Variants in CASP1 observed in about 807,000 individuals in gnomAD.
CASP1 encodes caspase 1.
Under a neutral mutation model 41.2 loss-of-function variants are expected in CASP1, and 31 were observed. The ratio of observed to expected loss-of-function variants is 0.75; its 90% CI spans 0.57 to 1.02. The LOEUF is 1.02. CASP1 is among the 50% of genes least tolerant of loss of function. The probability of loss-of-function intolerance (pLI) is 0.00; values close to 1 mark genes in which losing one functional copy is unlikely to be tolerated. For missense variants in CASP1, 490 were observed against 495.7 expected (o/e 0.99, Z 0.11); for synonymous variants, 163 against 166.5 (o/e 0.98, Z 0.16).
Position 105,030,324 on chromosome 11 carries a change from A to T in CASP1, c.627+6T>A. ...ACCATTGTTTCTGTTGTATAATAGAACTTACCGAAGCAGTGAGATTTTTTT... is the reference window on the plus strand; with the variant it reads ...ACCATTGTTTCTGTTGTATAATAGATCTTACCGAAGCAGTGAGATTTTTTT... On this transcript the variant is annotated splice_donor_region_variant and intron_variant, in intron 5 of 8. Transcript: ENST00000533400. 1 of 1,609,060 alleles carries T rather than the reference A, an allele frequency of 6.2e-7. No homozygotes were observed. Among genetic ancestry groups the T allele is most frequent in the Non-Finnish European group, 8.5e-7 (1 of 1,176,942 alleles).
intron 3 of CASP1, among the ~76,000 whole-genome samples, chr11:105,031,714 T>C (rs1863710772): frequency 6.6e-6 from 1 of 152,202 alleles, no homozygotes; most frequent in Non-Finnish European, 1.5e-5. Flanking sequence ...AAATACATGT[T>C]TATCTTTTTA....
chr11:105,035,098 A>G lies in CASP1; in HGVS notation c.7+9T>C. 6.2e-7 allele frequency: 1 copy of G among 1,613,278 alleles called. No individual in the cohort carries two copies. The highest frequency in any genetic ancestry group is 8.5e-7 in the Non-Finnish European group (1 of 1,179,908). On this transcript the variant is annotated intron_variant, in intron 1 of 8. Transcript: ENST00000533400. ...CAGGGACCTGTTCTTGGAACAGTAA[A>G]AGACTCACCGGCCATGGCTTTTCTC...
At chr11:105,028,428 A>G (rs1239968293) in intron 7 of CASP1, among the ~76,000 whole-genome samples, 4 of 152,258 alleles carry the variant, frequency 2.6e-5, no homozygotes, top group African/African-American at 9.6e-5. Flanking sequence ...TCAAATATAT[A>G]CATTTTAAAT....
In CASP1 at chr11:105,027,104, G is replaced by A. The variant is rs565152191; in HGVS notation, c.1007-153C>T. ...CGGAATGGGGTAGAGGGGAGTGATT[G>A]GGATTTGGAAATGAAATATCTAAAT... is the stretch of plus-strand genomic sequence containing the variant. On this transcript the variant is annotated intron_variant, in intron 7 of 8. Coordinates refer to ENST00000533400, the MANE Select transcript of CASP1 (RefSeq NM_001257118.3). 1.3e-3 allele frequency: 865 copies of A among 677,334 alleles called. 7 individuals are homozygous for A. The highest frequency in any genetic ancestry group is 0.013 in the South Asian group (797 of 63,644). The allele number at this position is 677,334 out of a possible 1,614,324, so 42.0% of individuals were successfully genotyped here. A position where few individuals can be genotyped will look rare whatever the true frequency, so the allele number is the denominator to read the frequency against.
intron 1 of CASP1, 190 bp from the exon 2 acceptor site, chr11:105,034,664 G>A: frequency 2.1e-6 from 2 of 950,648 alleles, no homozygotes; most frequent in Non-Finnish European, 3.1e-6. Flanking sequence ...TGTGCATGGA[G>A]TGACCTGAAG....
At chr11:105,036,320 G>A (rs541944393), upstream of CASP1, among the ~76,000 whole-genome samples, 13 of 152,228 alleles carry the variant, frequency 8.5e-5, no homozygotes, top group South Asian at 1.0e-3. Context: ...ATTGCTCTAG[G>A]TGCCAGAGGT....
At position 105,031,274 on chromosome 11, in the gene CASP1, T is replaced by C. The variant is rs1863681250; in HGVS notation, c.344A>G (p.Gln115Arg). 2.5e-6 allele frequency: 4 copies of C among 1,587,684 alleles called. No individual in the cohort carries two copies. Among genetic ancestry groups the C allele is most frequent in the Non-Finnish European group, 2.6e-6 (3 of 1,156,824 alleles). ...QGVLSSFPAP[Q>R]AVQDNPAMPT... ...CATAGCTGGGTTGTCCTGCACTGCCTGAGGAGCTGCAAGAGACAAAGAACA... is the reference window on the plus strand; with the variant it reads ...CATAGCTGGGTTGTCCTGCACTGCCCGAGGAGCTGCAAGAGACAAAGAACA... The change falls in exon 4 of 9, where the codon CAG becomes CGG. Residue 115 changes from glutamine (Q) to arginine (R), a missense_variant. By Grantham distance (43) the Gln-to-Arg change is conservative. Coordinates refer to ENST00000533400, the MANE Select transcript of CASP1 (RefSeq NM_001257118.3).
At chr11:105,028,676 C>T (rs1347820026) in intron 7 of CASP1, among the ~76,000 whole-genome samples, 2 of 152,038 alleles carry the variant, frequency 1.3e-5, no homozygotes, top group Non-Finnish European at 2.9e-5. Context: ...TATATTCTGT[C>T]TCACACACTT....
At position 105,034,563 on chromosome 11, in the gene CASP1, C is replaced by A. The variant is rs566992842; in HGVS notation, c.8-89G>T. 2.4e-4 allele frequency: 377 copies of A among 1,574,496 alleles called. No individual in the cohort carries two copies. The African/African-American group carries it at 4.7e-3, about 20-fold the overall frequency. ...ACAGAAAGTGACCTCATTTAGATTT[C>A]ATCAGTGAAATGTCCCCCTCCTCAC... On this transcript the variant is annotated intron_variant, in intron 1 of 8. Coordinates refer to ENST00000533400, the MANE Select transcript of CASP1 (RefSeq NM_001257118.3).
chr11:105,036,544 G>A (rs116308150), upstream of CASP1, among the ~76,000 whole-genome samples: 88 of 152,188 alleles, frequency 5.8e-4, no homozygotes, highest in African/African-American at 2.0e-3. Context: ...GATAATGAAT[G>A]TCTCATGAGA....
At position 105,029,301 on chromosome 11, in the gene CASP1, C is replaced by A. The variant is rs374804225; in HGVS notation, c.863-34G>T. 5.0e-6 allele frequency: 8 copies of A among 1,588,276 alleles called. No individual in the cohort carries two copies. In the African/African-American group the frequency reaches 1.1e-4, roughly 22 times the overall value. On this transcript the variant is annotated intron_variant, in intron 6 of 8. Transcript: ENST00000533400. The stretch of plus-strand genomic sequence containing the variant: ...ACACAGTTTGATTTGTTACTACTAC[C>A]AATGGCTGAGAAGATGTTTTCCTCC...
Position 105,026,027 on chromosome 11 carries a change from A to C in CASP1, c.*231T>G. 1 of 399,324 alleles carries C rather than the reference A, an allele frequency of 2.5e-6. No individual in the cohort carries two copies. Among genetic ancestry groups the C allele is most frequent in the Non-Finnish European group, 4.5e-6 (1 of 222,604 alleles). 24.7% of individuals were successfully genotyped at this position (399,324 alleles called of 1,614,324 possible). A position where few individuals can be genotyped will look rare whatever the true frequency, so the allele number is the denominator to read the frequency against. On this transcript the variant is annotated 3_prime_UTR_variant, in exon 9 of 9. Transcript: ENST00000533400. ...CTGGTTTAGCATCCCTAATCCAAAA[A>C]CCTATAATTTGAAATGTTTCAATAA...
At chr11:105,029,961 G>T in intron 5 of CASP1, 62 bp from the exon 6 acceptor site, 2 of 1,227,356 alleles carry the variant, frequency 1.6e-6, no homozygotes, top group Non-Finnish European at 2.4e-6. Context: ...ACCTTGGAAA[G>T]TCAATAAATA....
At chr11:105,030,678 G>A in intron 4 of CASP1, 175 bp from the exon 5 acceptor site, 3 of 531,800 alleles carry the variant, frequency 5.6e-6, no homozygotes, top group Non-Finnish European at 9.7e-6. Flanking sequence ...CATGGACATT[G>A]CAAATGCCCA....
At chr11:105,027,786 T>C (rs530537) in intron 7 of CASP1, among the ~76,000 whole-genome samples, 73,690 of 151,920 alleles carry the variant, frequency 0.49, 18,472 homozygotes, top group African/African-American at 0.61. Flanking sequence ...ACAGATATCT[T>C]TGCAAATGTT....
chr11:105,035,618 G>GTTTTTTTTTTTT (rs56746743), upstream of CASP1, among the ~76,000 whole-genome samples: 8,396 of 103,028 alleles, frequency 0.081, 1,419 homozygotes, highest in East Asian at 0.18. Flanking sequence ...TTTTCTTTCT[G>GTTTTTTTTTTTT]TTTTTTTTTT....
chr11:105,034,427 C>T lies in CASP1; in HGVS notation c.55G>A (p.Glu19Lys). Residue 19 changes from glutamate to lysine, a missense_variant, in exon 2 of 9, where the codon GAA (glutamate) becomes AAA (lysine). Physicochemically the swap from Glu to Lys is moderately conservative, Grantham distance 56. Coordinates refer to ENST00000533400, the MANE Select transcript of CASP1 (RefSeq NM_001257118.3). ...KRKLFIRSMG[E>K]GTINGLLDEL... ...TCCAGTAAGCCATTTATTGTACCTT[C>T]ACCCATGGAACGGATAAACAGCTTT... 1.9e-6 allele frequency: 3 copies of T among 1,614,150 alleles called. No homozygotes were observed. The highest frequency in any genetic ancestry group is 2.5e-6 in the Non-Finnish European group (3 of 1,180,000).
chr11:105,028,840 T>A (rs1863485163), intron 7 of CASP1, among the ~76,000 whole-genome samples: 1 of 152,178 alleles, frequency 6.6e-6, no homozygotes. Context: ...CAGAATTTTC[T>A]ATGCAGAGTC....
rs568220313 is a variant in CASP1 at position 105,034,686 on chromosome 11, C to G, written c.8-212G>C. 2.7e-5 allele frequency: 21 copies of G among 765,816 alleles called. No homozygotes were observed. The East Asian group carries it at 5.5e-4, about 20-fold the overall frequency. The allele number at this position is 765,816 out of a possible 1,614,324, so 47.4% of individuals were successfully genotyped here. A position where few individuals can be genotyped will look rare whatever the true frequency, so the allele number is the denominator to read the frequency against. On this transcript the variant is annotated intron_variant, in intron 1 of 8. Transcript: ENST00000533400. ...GGAGTGACCTGAAGACTGAGTTTAC[C>G]ATTTCCACATCAGTCCCTGGAAAGC...
Sources: gnomAD v4.1 joint callset for allele counts (sites outside exome capture counted in the v4.1 genomes callset) on GRCh38, gnomAD v4.1.1 for gene constraint, MANE v1.5 for transcripts, NCBI Gene and HGNC (gene_info 2026-07-23, HGNC 2026-07-21) for gene names.